FIG4: variants seen among roughly 807,000 people sequenced by gnomAD.
FIG4 encodes the protein polyphosphoinositide phosphatase.
FIG4 carries 112 observed loss-of-function variants against 118.6 expected under a neutral mutation model. That is an observed-to-expected ratio of 0.94 (90% CI 0.81 to 1.11). The LOEUF (loss-of-function observed/expected upper bound fraction) is 1.11, where lower values mean the gene tolerates loss of function less well. Among genes scored for constraint, FIG4 ranks in the 50% least tolerant of loss-of-function variants. The probability of loss-of-function intolerance (pLI) is 0.00; values close to 1 mark genes in which losing one functional copy is unlikely to be tolerated. For synonymous variants in FIG4, 369 were observed against 381.2 expected (o/e 0.97, Z 0.37); for missense variants, 969 against 1,111.7 (o/e 0.87, Z 1.83).
chr6:109,714,844 A>G (rs1351003327), intron 1 of FIG4, among the ~76,000 whole-genome samples: 2 of 152,324 alleles, frequency 1.3e-5, no homozygotes, highest in Admixed American at 6.5e-5. Context: ...GTTACTGGGC[A>G]CATTTCAGAC....
At chr6:109,733,270 A>G (rs1363991605) in intron 5 of FIG4, among the ~76,000 whole-genome samples, 1 of 152,144 alleles carries the variant, frequency 6.6e-6, no homozygotes, top group Non-Finnish European at 1.5e-5. Context: ...AGCAAACCAG[A>G]TAATCCAGGG....
chr6:109,780,580 C>G (rs1180095008), intron 16 of FIG4, among the ~76,000 whole-genome samples: 2 of 152,090 alleles, frequency 1.3e-5, no homozygotes, highest in Non-Finnish European at 2.9e-5. Context: ...ACGGGATGCC[C>G]ATAAAGTCTG....
At chr6:109,733,987 T>C (rs901036734) in intron 5 of FIG4, among the ~76,000 whole-genome samples, 1 of 151,970 alleles carries the variant, frequency 6.6e-6, no homozygotes, top group African/African-American at 2.4e-5. Flanking sequence ...AAAAAAGGAA[T>C]TGTTTTAAAT....
chr6:109,715,027 GTA>G (rs1380687802), intron 1 of FIG4, 49 bp from the exon 2 acceptor site: 9 of 1,027,876 alleles, frequency 8.8e-6, no homozygotes, highest in South Asian at 2.6e-5. Flanking sequence ...TATAAAATGT[GTA>G]TAGGGCAAAA....
In FIG4 at chr6:109,757,974, T is replaced by G. The variant is rs141638211; in HGVS notation, c.1138-2276T>G. Among the ~76,000 whole-genome samples, 418 of 152,278 alleles carry G rather than the reference T, an allele frequency of 2.7e-3. 2 individuals carry two copies. Among genetic ancestry groups the G allele is most frequent in the Non-Finnish European group, 5.0e-3 (337 of 68,022 alleles). ...TGAAATAAGAGAGGGCACAAACAGA[T>G]GGAAAAACATTCCATGCTCATTGAT... is the stretch of plus-strand genomic sequence containing the variant. On this transcript the variant is annotated intron_variant, in intron 10 of 22. Coordinates refer to ENST00000230124, the MANE Select transcript of FIG4 (RefSeq NM_014845.6).
chr6:109,796,630 A>G, intron 21 of FIG4, 135 bp from the exon 22 acceptor site: 1 of 737,746 alleles, frequency 1.4e-6, no homozygotes, highest in South Asian at 1.4e-5. Context: ...CTTATGTTAC[A>G]TACAGTACTC....
At chr6:109,720,724 T>G (rs935361771) in intron 3 of FIG4, among the ~76,000 whole-genome samples, 1 of 152,224 alleles carries the variant, frequency 6.6e-6, no homozygotes. Context: ...TTTACTTGTC[T>G]TTTCACGGGC....
chr6:109,784,869 G>T lies in FIG4; in HGVS notation c.1890-101G>T, dbSNP rs9487217. 13,416 of 580,144 alleles carry T rather than the reference G, an allele frequency of 0.023. 1,333 individuals carry two copies. The highest frequency in any genetic ancestry group is 0.22 in the African/African-American group (11,593 of 53,578). 35.9% of individuals were successfully genotyped at this position (580,144 alleles called of 1,614,324 possible). A position where few individuals can be genotyped will look rare whatever the true frequency, so the allele number is the denominator to read the frequency against. ...AAGAAAAATATTAACTTTGAAGTAG[G>T]AACATGTTACTATAGACCATATAAA... is the stretch of plus-strand genomic sequence containing the variant. On this transcript the variant is annotated intron_variant, in intron 16 of 22. Coordinates refer to ENST00000230124, the MANE Select transcript of FIG4 (RefSeq NM_014845.6).
chr6:109,809,381 A>G (rs552525267), intron 22 of FIG4, among the ~76,000 whole-genome samples: 1 of 152,292 alleles, frequency 6.6e-6, no homozygotes, highest in South Asian at 2.1e-4. Flanking sequence ...GAAGTTGTTT[A>G]TGCTATCATG....
intron 1 of FIG4, among the ~76,000 whole-genome samples, chr6:109,712,013 G>A (rs1159214140): frequency 6.6e-6 from 1 of 152,160 alleles, no homozygotes; most frequent in Non-Finnish European, 1.5e-5. Flanking sequence ...CTTTGCTTAC[G>A]AAGCTTGGTT....
chr6:109,701,721 T>G, intron 1 of FIG4: 1 of 471,600 alleles, frequency 2.1e-6, no homozygotes, highest in Non-Finnish European at 4.4e-6. Context: ...AAGAACCACA[T>G]GGTGAGGAAA....
At chr6:109,770,868 G>A (rs537733681) in intron 15 of FIG4, among the ~76,000 whole-genome samples, 2 of 152,314 alleles carry the variant, frequency 1.3e-5, no homozygotes, top group East Asian at 1.9e-4. Flanking sequence ...CAGGGTCAGG[G>A]TTTCAAAGCT....
rs777535847 is a variant in FIG4, at chr6:109,741,436, T to C, written c.776-8T>C. 1 of 1,587,830 alleles carries C rather than the reference T, an allele frequency of 6.3e-7. No homozygotes were observed. Among genetic ancestry groups the C allele is most frequent in the Admixed American group, 1.7e-5 (1 of 59,940 alleles). ...TGAATGCTAAACAACCTTAACTTGA[T>C]TTCCAAGAGCTGTTGATCTATGGAC... is the stretch of plus-strand genomic sequence containing the variant. On this transcript the variant is annotated splice_polypyrimidine_tract_variant and splice_region_variant and intron_variant, in intron 7 of 22. Transcript: ENST00000230124.
chr6:109,716,458 A>G lies in FIG4; in HGVS notation c.179A>G (p.Gln60Arg), dbSNP rs757055348. 1.2e-6 allele frequency: 2 copies of G among 1,613,712 alleles called. No individual in the cohort carries two copies. The highest frequency in any genetic ancestry group is 2.2e-5 in the East Asian group (1 of 44,852). ...GCTTATTCTTAGCATGTCTATACTC[A>G]ACAAGAAGTAAGGGAACTTCTTGGC... The part of the protein sequence containing the change: ...VIIDDRHVYT[Q>R]QEVRELLGRL... The change falls in exon 3 of 23, where the codon CAA becomes CGA. Residue 60 changes from glutamine (Q) to arginine (R), a missense_variant. Physicochemically the swap from Gln to Arg is conservative, Grantham distance 43. Transcript: ENST00000230124.
At chr6:109,704,413 T>C (rs1016758751) in intron 1 of FIG4, among the ~76,000 whole-genome samples, 7 of 152,068 alleles carry the variant, frequency 4.6e-5, no homozygotes, top group African/African-American at 4.8e-5. Flanking sequence ...CCCAGCACTT[T>C]GGGAGGCCAA....
At chr6:109,786,901 C>A (rs1231935677) in intron 18 of FIG4, among the ~76,000 whole-genome samples, 1 of 152,112 alleles carries the variant, frequency 6.6e-6, no homozygotes, top group Non-Finnish European at 1.5e-5. Flanking sequence ...TCTCTTCTTT[C>A]TCTCTCCCCC....
At chr6:109,698,460 C>G (rs954343757) in intron 1 of FIG4, among the ~76,000 whole-genome samples, 1 of 152,186 alleles carries the variant, frequency 6.6e-6, no homozygotes, top group Non-Finnish European at 1.5e-5. Flanking sequence ...GAAAGAGGAA[C>G]ACTTTTTGCT....
At chr6:109,815,457 C>T (rs1778834034) in intron 22 of FIG4, among the ~76,000 whole-genome samples, 2 of 151,710 alleles carry the variant, frequency 1.3e-5, no homozygotes, top group Non-Finnish European at 2.9e-5. Flanking sequence ...GGAGGGATGG[C>T]CTTCTCTTGC....
intron 1 of FIG4, among the ~76,000 whole-genome samples, chr6:109,693,735 G>C (rs1583617927): frequency 1.3e-5 from 2 of 152,264 alleles, no homozygotes; most frequent in Non-Finnish European, 1.5e-5. Context: ...CATGGCCAGG[G>C]GGGGTCTGGC....
Sources: allele counts gnomAD v4.1 joint callset (sites outside exome capture counted in the v4.1 genomes callset), GRCh38; gene constraint gnomAD v4.1.1; transcripts MANE v1.5; gene names NCBI Gene and HGNC (gene_info 2026-07-23, HGNC 2026-07-21).